CACNA1D: variants seen among roughly 807,000 people sequenced by gnomAD.
The protein encoded by CACNA1D is voltage-dependent L-type calcium channel subunit alpha-1D.
CACNA1D carries 55 observed loss-of-function variants against 257.1 expected under a neutral mutation model. The observed-to-expected ratio is 0.21, with a 90% confidence interval of 0.17 to 0.27. CACNA1D has a LOEUF of 0.27. Ranked by LOEUF, CACNA1D falls within the 10% of genes least tolerant of loss-of-function variation. The pLI, the probability that CACNA1D is intolerant of heterozygous loss-of-function variation, is 1.00. For missense variants in CACNA1D, 1,876 were observed against 2,784.0 expected (o/e 0.67, Z 7.34); for synonymous variants, 980 against 1,014.9 (o/e 0.97, Z 0.65).
At chr3:53,585,743 G>A (rs2093204112) in intron 3 of CACNA1D, among the ~76,000 whole-genome samples, 2 of 152,146 alleles carry the variant, frequency 1.3e-5, no homozygotes, top group Admixed American at 6.5e-5. Flanking sequence ...ATTGGGAGGG[G>A]CTGGTCCACG....
chr3:53,644,871 C>G (rs78503716), intron 3 of CACNA1D, among the ~76,000 whole-genome samples: 4,456 of 152,218 alleles, frequency 0.029, 85 homozygotes, highest in East Asian at 0.098. Context: ...ATGGTAGTTC[C>G]ACTCTTAATT....
intron 3 of CACNA1D, among the ~76,000 whole-genome samples, chr3:53,647,457 T>G (rs1026318284): frequency 2.0e-5 from 3 of 152,228 alleles, no homozygotes; most frequent in Non-Finnish European, 4.4e-5. Flanking sequence ...CTTTCATCCT[T>G]GACAGTGCTT....
intron 8 of CACNA1D, among the ~76,000 whole-genome samples, chr3:53,698,586 G>A (rs979391980): frequency 6.6e-6 from 1 of 152,090 alleles, no homozygotes; most frequent in Non-Finnish European, 1.5e-5. Flanking sequence ...CATCCTTACT[G>A]ACTTAATTTT....
At chr3:53,787,425 C>CTGTGTGTG (rs3217446) in intron 40 of CACNA1D, among the ~76,000 whole-genome samples, 10,016 of 135,992 alleles carry the variant, frequency 0.074, 414 homozygotes, top group Middle Eastern at 0.095. Flanking sequence ...AGTATGTATT[C>CTGTGTGTG]TGTGTGTGTG....
chr3:53,608,565 G>A (rs1009622115), intron 3 of CACNA1D, among the ~76,000 whole-genome samples: 5 of 152,170 alleles, frequency 3.3e-5, no homozygotes, highest in Non-Finnish European at 7.3e-5. Flanking sequence ...GTGATCTTAG[G>A]GGAAAGCACT....
intron 3 of CACNA1D, among the ~76,000 whole-genome samples, chr3:53,552,041 A>ATG (rs775908996): frequency 6.6e-4 from 100 of 152,224 alleles, no homozygotes; most frequent in South Asian, 1.0e-3. Flanking sequence ...CTCCTGACCT[A>ATG]TGCCCAGGCC....
chr3:53,772,757 T>C (rs2095373202), intron 32 of CACNA1D, 76 bp from the exon 33 acceptor site: 2 of 1,038,378 alleles, frequency 1.9e-6, no homozygotes, highest in Admixed American at 1.7e-5. Flanking sequence ...TGGCCACTCA[T>C]GGGTCTTCTC....
intron 8 of CACNA1D, among the ~76,000 whole-genome samples, chr3:53,678,333 A>G (rs1219139389): frequency 6.6e-6 from 1 of 152,238 alleles, no homozygotes; most frequent in Non-Finnish European, 1.5e-5. Context: ...TAGACAATAA[A>G]TATTGTTATT....
Position 53,787,445 on chromosome 3 carries a change from GTGTGTGTGTA to G in CACNA1D, c.4923+497_4923+506del, listed in dbSNP as rs1445251941. Among the ~76,000 whole-genome samples the G allele has an allele frequency of 1.7e-3, 263 of 151,756 alleles. 1 individual carries two copies. The highest frequency in any genetic ancestry group is 2.0e-3 in the Non-Finnish European group (138 of 67,908). ...GTATTCTGTGTGTGTGTGTGTGTGT[GTGTGTGTGTA>G]TGTATGTATGTGTGGTGTGTCTGTC... is the stretch of plus-strand genomic sequence containing the variant. On this transcript the variant is annotated intron_variant, in intron 40 of 47. Transcript: ENST00000350061.
In CACNA1D at chr3:53,731,125, G is replaced by T; in HGVS notation, c.2385G>T (p.Gln795His). 6.2e-7 allele frequency: 1 copy of T among 1,611,108 alleles called. No individual in the cohort carries two copies. Among genetic ancestry groups the T allele is most frequent in the Non-Finnish European group, 8.5e-7 (1 of 1,177,242 alleles). Residue 795 changes from glutamine (Q) to histidine (H), a missense_variant, in exon 17 of 48, where the codon CAG (glutamine) becomes CAT (histidine). Physicochemically the swap from Gln to His is conservative, Grantham distance 24. Around this residue, in one of 10 missense-constraint regions of CACNA1D, gnomAD observed 78 missense variants for 69.2 expected, o/e 1.13. Transcript: ENST00000350061. ...AGAACAACAAACCAGAAGTCAACCA[G>T]ATAGCCAACAGTGACAACAAGGTAT... is the stretch of plus-strand genomic sequence containing the variant. ...NKKNNKPEVN[Q>H]IANSDNKVTI...
Position 53,800,006 on chromosome 3 carries a change from T to C in CACNA1D, c.4924-243T>C, listed in dbSNP as rs1210983124. The C allele has an allele frequency of 3.5e-6, 2 of 571,286 alleles. No homozygotes were observed. Among genetic ancestry groups the C allele is most frequent in the Non-Finnish European group, 6.3e-6 (2 of 317,058 alleles). 35.4% of individuals were successfully genotyped at this position (571,286 alleles called of 1,614,324 possible). On this transcript the variant is annotated intron_variant, in intron 40 of 47. Coordinates refer to ENST00000350061, the MANE Select transcript of CACNA1D (RefSeq NM_001128840.3). This position sits in a 1 kb window ranked among gnomAD's most constrained non-coding sequence, Gnocchi z 4.3. ...CAGTGTTCCTTGGAAGTGGGGGTTT[T>C]GCAAAGGAGGTTACGGGGTTGCAGG...
At chr3:53,536,901 C>T (rs889786156) in intron 3 of CACNA1D, among the ~76,000 whole-genome samples, 1 of 152,150 alleles carries the variant, frequency 6.6e-6, no homozygotes, top group African/African-American at 2.4e-5. Flanking sequence ...TTTTAGTTCT[C>T]CTATGTGTTA....
chr3:53,766,617 C>T (rs2108977913), intron 30 of CACNA1D, among the ~76,000 whole-genome samples: 1 of 152,332 alleles, frequency 6.6e-6, no homozygotes, highest in Middle Eastern at 3.4e-3. Flanking sequence ...TGCCCCAGAG[C>T]CTATGTGGTA....
intron 3 of CACNA1D, among the ~76,000 whole-genome samples, chr3:53,531,235 T>C (rs554766069): frequency 6.6e-6 from 1 of 152,300 alleles, no homozygotes; most frequent in South Asian, 2.1e-4. Context: ...CCCGTGTTTC[T>C]TTCCTTTAGG....
chr3:53,672,808 G>GTGTATGGATGCT (rs1559496918), intron 7 of CACNA1D, among the ~76,000 whole-genome samples: 4 of 130,196 alleles, frequency 3.1e-5, no homozygotes, highest in Non-Finnish European at 1.7e-5. Flanking sequence ...GTGTGTGTGT[G>GTGTATGGATGCT]TGTGTGTGTG....
At chr3:53,796,582 G>A (rs1238533718) in intron 40 of CACNA1D, among the ~76,000 whole-genome samples, 1 of 152,174 alleles carries the variant, frequency 6.6e-6, no homozygotes, top group Non-Finnish European at 1.5e-5. Context: ...AGGTAAATGG[G>A]TGTTCATATT....
intron 3 of CACNA1D, among the ~76,000 whole-genome samples, chr3:53,542,302 A>T (rs1448179729): frequency 2.0e-5 from 3 of 151,992 alleles, no homozygotes; most frequent in African/African-American, 7.2e-5. Flanking sequence ...GGTCTGGGCT[A>T]GATGCAGTGG....
chr3:53,500,570 G>A (rs962455217), intron 2 of CACNA1D, among the ~76,000 whole-genome samples: 16 of 152,206 alleles, frequency 1.1e-4, no homozygotes, highest in African/African-American at 3.9e-4. Flanking sequence ...GTACCTTGAA[G>A]TGTTTAGTTA....
chr3:53,715,261 C>T (rs1470869866), intron 9 of CACNA1D, among the ~76,000 whole-genome samples: 1 of 152,156 alleles, frequency 6.6e-6, no homozygotes, highest in Admixed American at 6.5e-5. Context: ...CATCCTCAGC[C>T]CTGGCAACAT....
Sources: allele counts gnomAD v4.1 joint callset (sites outside exome capture counted in the v4.1 genomes callset), GRCh38; gene constraint gnomAD v4.1.1; regional missense constraint gnomAD v4.1.1; non-coding constraint Gnocchi (gnomAD v3.1); transcripts MANE v1.5; gene names NCBI Gene and HGNC (gene_info 2026-07-23, HGNC 2026-07-21).